Variants in ACBD6 observed in about 807,000 individuals in gnomAD.
ACBD6 encodes acyl-CoA-binding domain-containing protein 6.
In ACBD6, 28 loss-of-function variants were observed where a neutral mutation model predicts 37.2. The ratio of observed to expected loss-of-function variants is 0.75; its 90% CI spans 0.56 to 1.03. The LOEUF (loss-of-function observed/expected upper bound fraction) is 1.03, where lower values mean the gene tolerates loss of function less well. Among genes scored for constraint, ACBD6 ranks in the 50% least tolerant of loss-of-function variants. The pLI is 0.00. For synonymous variants in ACBD6, 113 were observed against 126.8 expected (o/e 0.89, Z 0.73); for missense variants, 340 against 337.4 (o/e 1.01, Z -0.06).
chr1:180,502,363 A>G lies in ACBD6; in HGVS notation c.-97T>C. On this transcript the variant is annotated 5_prime_UTR_variant, in exon 1 of 8. Coordinates refer to ENST00000367595, the MANE Select transcript of ACBD6 (RefSeq NM_032360.4). ...GCCTGGCCCACCAGTCTGGGTCGCG[A>G]GCCTGAGCTCCAGTCGGACCCAAGC... 2 of 1,374,142 alleles carry G rather than the reference A, an allele frequency of 1.5e-6. No individual in the cohort carries two copies. The highest frequency in any genetic ancestry group is 2.0e-6 in the Non-Finnish European group (2 of 983,874). The allele number at this position is 1,374,142 out of a possible 1,614,324, so 85.1% of individuals were successfully genotyped here. A position where few individuals can be genotyped will look rare whatever the true frequency, so the allele number is the denominator to read the frequency against.
intron 6 of ACBD6, among the ~76,000 whole-genome samples, chr1:180,354,699 T>C (rs1195003757): frequency 1.3e-5 from 2 of 152,178 alleles, no homozygotes; most frequent in Admixed American, 6.5e-5. Context: ...TTAAGGAGAA[T>C]GAATGACTGT....
At chr1:180,316,471 T>C (rs1183614054) in intron 6 of ACBD6, among the ~76,000 whole-genome samples, 1 of 152,128 alleles carries the variant, frequency 6.6e-6, no homozygotes, top group Non-Finnish European at 1.5e-5. Context: ...GGATTCTACT[T>C]AGGCATCCAT....
At position 180,502,399 on chromosome 1, in the gene ACBD6, C is replaced by T. The variant is rs185521538; in HGVS notation, c.-133G>A. On this transcript the variant is annotated 5_prime_UTR_variant, in exon 1 of 8. Transcript: ENST00000367595. ...CAGTCGGACCCAAGCTCAGTCGCGG[C>T]GCGCTCCCTCACGTGACCCTGCTCC... 1,732 of 977,660 alleles carry T rather than the reference C, an allele frequency of 1.8e-3. 3 individuals are homozygous for T. Among genetic ancestry groups the T allele is most frequent in the Non-Finnish European group, 2.4e-3 (1,492 of 630,792 alleles). 60.6% of individuals were successfully genotyped at this position (977,660 alleles called of 1,614,324 possible).
At chr1:180,393,108 G>A (rs750959377) in intron 6 of ACBD6, among the ~76,000 whole-genome samples, 4 of 152,086 alleles carry the variant, frequency 2.6e-5, no homozygotes, top group Non-Finnish European at 4.4e-5. Context: ...GCGTGCGCAC[G>A]CCCGTAAGCC....
intron 1 of ACBD6, 71 bp downstream of exon 1, chr1:180,501,974 C>G: frequency 1.4e-6 from 2 of 1,455,546 alleles, no homozygotes. Flanking sequence ...ACCATACATG[C>G]TTGCTATCAG....
chr1:180,432,818 A>G (rs1648863828), intron 3 of ACBD6, among the ~76,000 whole-genome samples: 1 of 152,154 alleles, frequency 6.6e-6, no homozygotes, highest in Non-Finnish European at 1.5e-5. Flanking sequence ...GAAATGAATA[A>G]ATTCCTGGAA....
At chr1:180,403,099 G>A (rs916118678) in intron 5 of ACBD6, among the ~76,000 whole-genome samples, 1 of 152,134 alleles carries the variant, frequency 6.6e-6, no homozygotes, top group African/African-American at 2.4e-5. Context: ...GAGTACATAT[G>A]TATAATCCCA....
At chr1:180,395,571 G>A (rs185070832) in intron 6 of ACBD6, among the ~76,000 whole-genome samples, 12 of 152,124 alleles carry the variant, frequency 7.9e-5, no homozygotes, top group East Asian at 3.9e-4. Context: ...AGGCCCAGCC[G>A]GAGCAATTAG....
chr1:180,473,306 G>A (rs1282528312), intron 3 of ACBD6, among the ~76,000 whole-genome samples: 1 of 151,718 alleles, frequency 6.6e-6, no homozygotes, highest in East Asian at 1.9e-4. Context: ...AATTAGCCGG[G>A]CGTAGTGGCG....
intron 4 of ACBD6, among the ~76,000 whole-genome samples, chr1:180,419,194 T>C (rs2101981505): frequency 6.6e-6 from 1 of 152,214 alleles, no homozygotes; most frequent in African/African-American, 2.4e-5. Flanking sequence ...GAGCTTGCAG[T>C]GAGCAGAGAT....
intron 4 of ACBD6, among the ~76,000 whole-genome samples, chr1:180,415,395 TCAAA>T (rs772474199): frequency 2.1e-4 from 32 of 150,932 alleles, no homozygotes; most frequent in East Asian, 5.8e-4. Context: ...AGACTAAGTC[TCAAA>T]CAAACAAACA....
chr1:180,402,830 ATTAC>A (rs1047445312), intron 5 of ACBD6, among the ~76,000 whole-genome samples: 1 of 152,098 alleles, frequency 6.6e-6, no homozygotes, highest in Non-Finnish European at 1.5e-5. Flanking sequence ...TTCACAAGAA[ATTAC>A]TAAGCTATAA....
At chr1:180,303,526 G>A (rs924158645) in intron 7 of ACBD6, among the ~76,000 whole-genome samples, 5 of 150,626 alleles carry the variant, frequency 3.3e-5, no homozygotes, top group African/African-American at 1.2e-4. Context: ...TAAATTCCTC[G>A]ACACATACAC....
intron 4 of ACBD6, among the ~76,000 whole-genome samples, chr1:180,426,812 A>G (rs949856631): frequency 2.0e-5 from 3 of 152,198 alleles, no homozygotes; most frequent in Non-Finnish European, 2.9e-5. Context: ...ATCAAGTGAG[A>G]TAAGTACTAT....
At chr1:180,376,702 G>A (rs1016159362) in intron 6 of ACBD6, among the ~76,000 whole-genome samples, 4 of 152,184 alleles carry the variant, frequency 2.6e-5, no homozygotes, top group Admixed American at 6.5e-5. Context: ...TTACCTGTAG[G>A]GAGTGGGTGA....
chr1:180,303,563 T>C (rs937882474), intron 7 of ACBD6, among the ~76,000 whole-genome samples: 10 of 150,466 alleles, frequency 6.6e-5, no homozygotes, highest in Non-Finnish European at 1.2e-4. Context: ...CAGGAAGAAG[T>C]TGAATCTCTG....
At chr1:180,420,058 G>A (rs1048117422) in intron 4 of ACBD6, among the ~76,000 whole-genome samples, 8 of 152,188 alleles carry the variant, frequency 5.3e-5, no homozygotes, top group African/African-American at 1.9e-4. Flanking sequence ...GCTTCTGCAA[G>A]ACTGTCTAAT....
exon 14 of ACBD6, chr1:180,270,420 G>T (rs927370271): frequency 2.0e-5 from 3 of 152,356 alleles, no homozygotes; most frequent in Admixed American, 2.0e-4. Flanking sequence ...GTCCTCCAGG[G>T]GCACTGTGGA....
At chr1:180,391,694 A>G (rs1432891530) in intron 6 of ACBD6, among the ~76,000 whole-genome samples, 2 of 152,162 alleles carry the variant, frequency 1.3e-5, no homozygotes, top group Non-Finnish European at 2.9e-5. Context: ...ACTCTCATAC[A>G]TCACTGCTGA....
Sources: gnomAD v4.1 joint callset for allele counts (sites outside exome capture counted in the v4.1 genomes callset) on GRCh38, gnomAD v4.1.1 for gene constraint, MANE v1.5 for transcripts, NCBI Gene and HGNC (gene_info 2026-07-23, HGNC 2026-07-21) for gene names.